The following ATAD2B variants were observed in gnomAD, a reference collection of about 807,000 sequenced individuals.
The protein encoded by ATAD2B is ATPase family AAA domain containing 2B.
Under a neutral mutation model 167.6 loss-of-function variants are expected in ATAD2B, and 40 were observed. That is an observed-to-expected ratio of 0.24 (90% CI 0.19 to 0.31). The LOEUF is 0.31. Among genes scored for constraint, ATAD2B ranks in the 10% least tolerant of loss-of-function variants. The pLI, the probability that ATAD2B is intolerant of heterozygous loss-of-function variation, is 1.00. For synonymous variants in ATAD2B, 579 were observed against 596.5 expected (o/e 0.97, Z 0.43); for missense variants, 1,242 against 1,757.2 (o/e 0.71, Z 5.24).
rs775827183 is a variant in ATAD2B, at chr2:23,749,280, C to T, written c.*2766G>A. On this transcript the variant is annotated 3_prime_UTR_variant, in exon 28 of 28. Transcript: ENST00000238789. Reference sequence around the variant, plus strand: ...ATCATCTTCAAAAAGCCCCCAGGGTCCCCACAGCTGAGCATGAATTATTGC... The same window carrying T: ...ATCATCTTCAAAAAGCCCCCAGGGTTCCCACAGCTGAGCATGAATTATTGC... The T allele has an allele frequency of 1.3e-5, 2 of 152,072 alleles. No homozygotes were observed. The highest frequency in any genetic ancestry group is 2.9e-5 in the Non-Finnish European group (2 of 68,006). The allele number at this position is 152,072 out of a possible 1,614,324, so 9.4% of individuals were successfully genotyped here. A position where few individuals can be genotyped will look rare whatever the true frequency, so the allele number is the denominator to read the frequency against.
At chr2:23,695,625 C>T in the ATAD2B span, 392 of 1,548,728 alleles carry the variant, frequency 2.5e-4, no homozygotes, top group African/African-American at 4.4e-3. The surrounding 1 kb of genome is among the most constrained non-coding windows in gnomAD (Gnocchi z 7.6). Flanking sequence ...CCCTGCAGTA[C>T]GCGGCTGAGC....
the ATAD2B span, among the ~76,000 whole-genome samples, chr2:23,731,303 T>C: frequency 6.6e-6 from 1 of 152,134 alleles, no homozygotes; most frequent in African/African-American, 2.4e-5. Context: ...AAGCAGATAA[T>C]AGACAAAGAA....
At chr2:23,887,420 T>C (rs1013872068) in intron 4 of ATAD2B, among the ~76,000 whole-genome samples, 1 of 152,158 alleles carries the variant, frequency 6.6e-6, no homozygotes, top group Non-Finnish European at 1.5e-5. Context: ...ACTATGCATC[T>C]AGATACTGAA....
intron 18 of ATAD2B, among the ~76,000 whole-genome samples, chr2:23,801,122 T>C (rs1216335841): frequency 6.6e-6 from 1 of 152,126 alleles, no homozygotes; most frequent in African/African-American, 2.4e-5. Context: ...CTTTTATATT[T>C]TCTTTAGATT....
At position 23,823,294 on chromosome 2, in the gene ATAD2B, G is replaced by A; in HGVS notation, c.2095C>T (p.Pro699Ser). The A allele has an allele frequency of 6.8e-6, 11 of 1,613,130 alleles. No homozygotes were observed. The highest frequency in any genetic ancestry group is 8.5e-6 in the Non-Finnish European group (10 of 1,179,344). Residue 699 changes from proline (P) to serine (S), a missense_variant, in exon 16 of 28, where the codon CCT (proline) becomes TCT (serine). This residue lies in a region of ATAD2B where 145 missense variants were observed against 181.9 expected (regional missense o/e 0.80). Coordinates refer to ENST00000238789, the MANE Select transcript of ATAD2B (RefSeq NM_017552.4). ...NILAVLQKVF[P>S]HAEISQSDKK... ...TCACTCTGGCTAATTTCAGCATGAG[G>A]AAACACTTTTTGCAAGACTGCTAGG...
At chr2:23,696,417 C>T in the ATAD2B span, 11 of 1,551,526 alleles carry the variant, frequency 7.1e-6, no homozygotes, top group South Asian at 8.3e-5. This position sits in a 1 kb window ranked among gnomAD's most constrained non-coding sequence, Gnocchi z 5.5. Flanking sequence ...TCCAGAATGA[C>T]AGTCCCCCGC....
chr2:23,818,392 C>T (rs1037925055), intron 17 of ATAD2B, among the ~76,000 whole-genome samples: 4 of 136,734 alleles, frequency 2.9e-5, no homozygotes, highest in African/African-American at 8.1e-5. Context: ...AAAAAATTGG[C>T]TTTCCCATAA....
chr2:23,701,086 C>T, the ATAD2B span, among the ~76,000 whole-genome samples: 1 of 152,180 alleles, frequency 6.6e-6, no homozygotes, highest in South Asian at 2.1e-4. Context: ...CTGTAAACTT[C>T]CTGTGAAGAA....
the ATAD2B span, chr2:23,691,901 G>A: frequency 1.1e-5 from 17 of 1,543,924 alleles, no homozygotes; most frequent in East Asian, 4.9e-5. Context: ...CACATATGTC[G>A]CTTGGGGGGA....
At position 23,757,702 on chromosome 2, in the gene ATAD2B, C is replaced by A. The variant is rs369011855; in HGVS notation, c.3794G>T (p.Gly1265Val). 1 of 1,612,278 alleles carries A rather than the reference C, an allele frequency of 6.2e-7. No individual in the cohort carries two copies. Among genetic ancestry groups the A allele is most frequent in the Non-Finnish European group, 8.5e-7 (1 of 1,179,428 alleles). Residue 1265 changes from glycine (G) to valine (V), a missense_variant, in exon 25 of 28, where the codon GGA (glycine) becomes GTA (valine). Physicochemically the swap from Gly to Val is moderately radical, Grantham distance 109. Transcript: ENST00000238789. ...QTSRKETFLKGNCLNGEASTD... is the reference protein window; with the variant it reads ...QTSRKETFLKVNCLNGEASTD... ...GGAAGCCTCACCATTTAGACAATTT[C>A]CTTTAAGGAAAGTCTCTTTCCTGGA...
chr2:23,765,288 T>C (rs573838746), intron 23 of ATAD2B, among the ~76,000 whole-genome samples: 1 of 152,362 alleles, frequency 6.6e-6, no homozygotes, highest in South Asian at 2.1e-4. Flanking sequence ...AAACACTTTA[T>C]TTCTGTAATA....
At chr2:23,807,117 G>A (rs1174836240) in intron 18 of ATAD2B, among the ~76,000 whole-genome samples, 1 of 152,132 alleles carries the variant, frequency 6.6e-6, no homozygotes, top group Non-Finnish European at 1.5e-5. Context: ...TTCCTATATA[G>A]TGGTTCACTC....
At chr2:23,695,428 C>T in the ATAD2B span, among the ~76,000 whole-genome samples, 213 of 152,162 alleles carry the variant, frequency 1.4e-3, no homozygotes, top group Non-Finnish European at 2.9e-3. This position sits in a 1 kb window ranked among gnomAD's most constrained non-coding sequence, Gnocchi z 7.6. Context: ...CCCCTGCGCT[C>T]CCGGCCCTCC....
chr2:23,800,694 A>C (rs1265694916), intron 18 of ATAD2B, among the ~76,000 whole-genome samples: 1 of 152,150 alleles, frequency 6.6e-6, no homozygotes, highest in Non-Finnish European at 1.5e-5. Flanking sequence ...TTTCCAAAAA[A>C]TTTCTTATTT....
chr2:23,754,942 G>A, intron 25 of ATAD2B, 168 bp from the exon 26 acceptor site: 13 of 602,184 alleles, frequency 2.2e-5, no homozygotes, highest in Middle Eastern at 5.0e-4. Context: ...ATTTTTTATT[G>A]GTAAGACTAA....
At chr2:23,792,941 C>T (rs1054107154) in intron 19 of ATAD2B, among the ~76,000 whole-genome samples, 18 of 105,072 alleles carry the variant, frequency 1.7e-4, no homozygotes, top group Non-Finnish European at 2.7e-4. Context: ...CCAGCCTGGG[C>T]AACAGCGAGA....
At chr2:23,901,689 C>T (rs936257751) in intron 1 of ATAD2B, among the ~76,000 whole-genome samples, 2 of 151,998 alleles carry the variant, frequency 1.3e-5, no homozygotes, top group African/African-American at 2.4e-5. Context: ...GTTTGGGAAA[C>T]GATGAGGTCC....
At chr2:23,774,557 T>C (rs1229724547) in intron 22 of ATAD2B, among the ~76,000 whole-genome samples, 3 of 152,254 alleles carry the variant, frequency 2.0e-5, no homozygotes, top group African/African-American at 7.2e-5. Flanking sequence ...AATGTTACCA[T>C]GTCTCCATTT....
chr2:23,721,871 A>G, the ATAD2B span, among the ~76,000 whole-genome samples: 3 of 152,214 alleles, frequency 2.0e-5, no homozygotes, highest in Admixed American at 2.0e-4. Flanking sequence ...CACCATGTGC[A>G]CACACACACA....
Sources: allele counts gnomAD v4.1 joint callset (sites outside exome capture counted in the v4.1 genomes callset), GRCh38; gene constraint gnomAD v4.1.1; regional missense constraint gnomAD v4.1.1; non-coding constraint Gnocchi (gnomAD v3.1); transcripts MANE v1.5; gene names NCBI Gene and HGNC (gene_info 2026-07-23, HGNC 2026-07-21).